Variants in GALNTL6 observed in about 807,000 individuals in gnomAD.
The protein encoded by GALNTL6 is polypeptide N-acetylgalactosaminyltransferase like 6.
GALNTL6 carries 46 observed loss-of-function variants against 73.7 expected under a neutral mutation model. That is an observed-to-expected ratio of 0.62 (90% CI 0.49 to 0.80). GALNTL6 has a LOEUF of 0.80. Among genes scored for constraint, GALNTL6 ranks in the 30% least tolerant of loss-of-function variants. GALNTL6 has a pLI of 0.00. For missense variants in GALNTL6, 604 were observed against 755.0 expected, an observed-to-expected ratio of 0.80 and a Z score of 2.34; for synonymous variants, 259 against 263.7, an observed-to-expected ratio of 0.98 and a Z score of 0.17.
rs568593922 is a variant in GALNTL6 at position 172,030,297 on chromosome 4, C to A, written c.139-199359C>A. Among the ~76,000 whole-genome samples the A allele has an allele frequency of 1.2e-4, 19 of 152,038 alleles. No individual in the cohort carries two copies. In the South Asian group the frequency reaches 3.7e-3, roughly 30 times the overall value. On this transcript the variant is annotated intron_variant, in intron 2 of 12. Transcript: ENST00000506823. ...CTGGTTTACAAAATAAATATGATAC[C>A]TATTTTCTTAAAGGTAATGTTATTC...
At chr4:172,774,557 C>A (rs368152676) in intron 5 of GALNTL6, among the ~76,000 whole-genome samples, 1 of 152,176 alleles carries the variant, frequency 6.6e-6, no homozygotes, top group African/African-American at 2.4e-5. Context: ...TTCTCATTAC[C>A]TAAGTATTGT....
rs72988583 is a variant in GALNTL6, at chr4:172,635,066, T to G, written c.554-174295T>G. 2.1e-3 allele frequency among the ~76,000 whole-genome samples: 319 copies of G among 152,312 alleles called. 1 individual carries two copies. Among genetic ancestry groups the G allele is most frequent in the African/African-American group, 7.2e-3 (301 of 41,576 alleles). ...ACTGCAAACTACTCAAAGTCATAAT[T>G]GTAATTTTGCATGACTTGTAAAATG... On this transcript the variant is annotated intron_variant, in intron 5 of 12. Coordinates refer to ENST00000506823, the MANE Select transcript of GALNTL6 (RefSeq NM_001034845.3).
At chr4:172,859,219 C>G (rs932168901) in intron 7 of GALNTL6, among the ~76,000 whole-genome samples, 1 of 152,094 alleles carries the variant, frequency 6.6e-6, no homozygotes, top group Admixed American at 6.6e-5. Flanking sequence ...GAAGATCACA[C>G]AAAGGAACAG....
chr4:172,662,548 CAA>C (rs564303208), intron 5 of GALNTL6, among the ~76,000 whole-genome samples: 40 of 152,328 alleles, frequency 2.6e-4, no homozygotes, highest in African/African-American at 9.4e-4. Flanking sequence ...AATTCACCTA[CAA>C]TTAACATGGG....
chr4:172,377,158 G>C (rs1374658352), intron 5 of GALNTL6, among the ~76,000 whole-genome samples: 2 of 152,144 alleles, frequency 1.3e-5, no homozygotes, highest in Non-Finnish European at 2.9e-5. Context: ...TTTACGGAGA[G>C]CTGATTGGTC....
intron 2 of GALNTL6, among the ~76,000 whole-genome samples, chr4:171,858,068 G>C (rs886618110): frequency 1.3e-5 from 2 of 152,102 alleles, no homozygotes; most frequent in African/African-American, 4.8e-5. Flanking sequence ...ATTAATTAGA[G>C]ATACTTGGGA....
chr4:172,043,333 G>A (rs1337242176), intron 2 of GALNTL6, among the ~76,000 whole-genome samples: 1 of 151,694 alleles, frequency 6.6e-6, no homozygotes, highest in Non-Finnish European at 1.5e-5. Context: ...TATTATTTAA[G>A]GCCATGGCAC....
In GALNTL6 at chr4:172,983,142, T is replaced by TA. The variant is rs572573072; in HGVS notation, c.1372-26029dup. ...CACTCCATAAATTTATACATTTTTT[T>TA]AAAAAAAGAGTCCTTGCAAGAGACA... On this transcript the variant is annotated intron_variant, in intron 10 of 12. Coordinates refer to ENST00000506823, the MANE Select transcript of GALNTL6 (RefSeq NM_001034845.3). Among the ~76,000 whole-genome samples, 462 of 152,134 alleles carry TA rather than the reference T, an allele frequency of 3.0e-3. 3 individuals are homozygous for TA. Among genetic ancestry groups the TA allele is most frequent in the African/African-American group, 0.011 (442 of 41,492 alleles).
At chr4:172,423,892 C>T (rs543474732) in intron 5 of GALNTL6, among the ~76,000 whole-genome samples, 17 of 152,096 alleles carry the variant, frequency 1.1e-4, no homozygotes, top group African/African-American at 3.9e-4. Context: ...CAAAGCAAAA[C>T]TATAGTAAGC....
intron 2 of GALNTL6, among the ~76,000 whole-genome samples, chr4:172,181,669 G>A (rs1206706886): frequency 6.6e-6 from 1 of 151,066 alleles, no homozygotes; most frequent in South Asian, 2.1e-4. Context: ...GTTTTCAGAT[G>A]ACATGATTGT....
intron 8 of GALNTL6, among the ~76,000 whole-genome samples, chr4:172,900,829 G>C (rs972298716): frequency 6.6e-6 from 1 of 152,068 alleles, no homozygotes; most frequent in Non-Finnish European, 1.5e-5. Flanking sequence ...ATAATAAACT[G>C]GTTGGTGGAT....
At chr4:172,485,778 T>C (rs1733643356) in intron 5 of GALNTL6, among the ~76,000 whole-genome samples, 1 of 152,182 alleles carries the variant, frequency 6.6e-6, no homozygotes, top group Non-Finnish European at 1.5e-5. Context: ...TTCTTTGACA[T>C]CTTGAAACTA....
intron 2 of GALNTL6, among the ~76,000 whole-genome samples, chr4:172,007,710 C>T (rs370237041): frequency 1.3e-5 from 2 of 152,114 alleles, no homozygotes; most frequent in East Asian, 3.9e-4. Context: ...CTTATAAAAA[C>T]CTCTATTCTG....
chr4:172,205,775 G>A (rs1038235968), intron 2 of GALNTL6, among the ~76,000 whole-genome samples: 1 of 152,140 alleles, frequency 6.6e-6, no homozygotes, highest in South Asian at 2.1e-4. Context: ...AAGTGCACAG[G>A]CAATTTTATC....
intron 5 of GALNTL6, among the ~76,000 whole-genome samples, chr4:172,388,817 C>T (rs1743562502): frequency 6.6e-6 from 1 of 152,012 alleles, no homozygotes; most frequent in Admixed American, 6.6e-5. Context: ...GTGTTAGCAA[C>T]CTGCTTCGGG....
chr4:172,553,091 A>G (rs1236226115), intron 5 of GALNTL6, among the ~76,000 whole-genome samples: 1 of 152,126 alleles, frequency 6.6e-6, no homozygotes, highest in Non-Finnish European at 1.5e-5. Context: ...ATATTGGTTA[A>G]TGATTATATA....
intron 5 of GALNTL6, among the ~76,000 whole-genome samples, chr4:172,523,691 C>G (rs936253485): frequency 6.6e-6 from 1 of 152,046 alleles, no homozygotes; most frequent in Admixed American, 6.6e-5. Flanking sequence ...TTGTCTTTTT[C>G]TCATTGATTT....
intron 2 of GALNTL6, among the ~76,000 whole-genome samples, chr4:172,163,978 A>G (rs1734548238): frequency 6.6e-6 from 1 of 151,988 alleles, no homozygotes; most frequent in African/African-American, 2.4e-5. Flanking sequence ...ACAGAATTTC[A>G]CTCACTGAAA....
chr4:172,663,352 C>G (rs1731480903), intron 5 of GALNTL6, among the ~76,000 whole-genome samples: 1 of 151,922 alleles, frequency 6.6e-6, no homozygotes, highest in South Asian at 2.1e-4. Context: ...GACTACCAGC[C>G]TAGAAGGATA....
Sources: allele counts gnomAD v4.1 joint callset (sites outside exome capture counted in the v4.1 genomes callset), GRCh38; gene constraint gnomAD v4.1.1; transcripts MANE v1.5; gene names NCBI Gene and HGNC (gene_info 2026-07-23, HGNC 2026-07-21).